TSTD2: variants seen among roughly 807,000 people sequenced by gnomAD.
The protein encoded by TSTD2 is thiosulfate sulfurtransferase like domain containing 2, also known as thiosulfate sulfurtransferase/rhodanese-like domain-containing protein 2.
A neutral mutation model predicts 47.9 loss-of-function variants in TSTD2; 37 were observed. The ratio of observed to expected loss-of-function variants is 0.77; its 90% CI spans 0.59 to 1.02. The LOEUF (loss-of-function observed/expected upper bound fraction) is 1.02. Ranked by LOEUF, TSTD2 falls within the 50% of genes least tolerant of loss-of-function variation. TSTD2 has a pLI of 0.00. For synonymous variants in TSTD2, 201 were observed against 215.9 expected (o/e 0.93, Z 0.61); for missense variants, 586 against 616.0 (o/e 0.95, Z 0.52).
chr9:97,621,713 G>C (rs1039720356), intron 3 of TSTD2, among the ~76,000 whole-genome samples: 1 of 152,168 alleles, frequency 6.6e-6, no homozygotes, highest in Non-Finnish European at 1.5e-5. Flanking sequence ...ATTCTAGTCA[G>C]ACTGGTTCTG....
At position 97,600,623 on chromosome 9, in the gene TSTD2, T is replaced by TA. The variant is rs1826235476; in HGVS notation, c.*1845dup. 3 of 987,824 alleles carry TA rather than the reference T, an allele frequency of 3.0e-6. No individual in the cohort carries two copies. The highest frequency in any genetic ancestry group is 3.6e-6 in the Non-Finnish European group (3 of 831,574). The allele number at this position is 987,824 out of a possible 1,614,324, so 61.2% of individuals were successfully genotyped here. ...TATGGTATTTAGTAATGGCCCAGCT[T>TA]AGAGACTTCAGCTACTGATCTCATC... is the stretch of plus-strand genomic sequence containing the variant. On this transcript the variant is annotated 3_prime_UTR_variant, in exon 10 of 10. Transcript: ENST00000341170.
chr9:97,604,903 G>A (rs905343109), intron 8 of TSTD2, 38 bp from the exon 9 acceptor site: 1 of 1,609,946 alleles, frequency 6.2e-7, no homozygotes, highest in African/African-American at 1.3e-5. Flanking sequence ...TGAAGAGCCA[G>A]CAGAGACCTG....
rs1312887566 is a variant in TSTD2 at position 97,602,298 on chromosome 9, GACA to G, written c.*168_*170del. The G allele has an allele frequency of 1.4e-6, 1 of 720,290 alleles. No homozygotes were observed. Among genetic ancestry groups the G allele is most frequent in the African/African-American group, 1.8e-5 (1 of 56,078 alleles). The allele number at this position is 720,290 out of a possible 1,614,324, so 44.6% of individuals were successfully genotyped here. Reference sequence around the variant, plus strand: ...ATCAGAATGTCTCAGGTAAGTGGTAGACAACGTGACTCCTCCCCTCCCGCTGTG... The same window carrying G: ...ATCAGAATGTCTCAGGTAAGTGGTAGACGTGACTCCTCCCCTCCCGCTGTG... On this transcript the variant is annotated 3_prime_UTR_variant, in exon 10 of 10. Coordinates refer to ENST00000341170, the MANE Select transcript of TSTD2 (RefSeq NM_139246.5).
Position 97,610,384 on chromosome 9 carries a change from A to G in TSTD2, c.797T>C (p.Met266Thr). 1 of 1,603,426 alleles carries G rather than the reference A, an allele frequency of 6.2e-7. No homozygotes were observed. The highest frequency in any genetic ancestry group is 1.7e-4 in the Middle Eastern group (1 of 6,028). The change falls in exon 6 of 10, where the codon ATG (methionine) becomes ACG (threonine). Residue 266 changes from methionine (M) to threonine (T), a missense_variant. Transcript: ENST00000341170. ...RVGVFEEIVP[M>T]GISPKKISYK... ...GGAGATCTTTTTGGGGCTGATCCCC[A>G]TGGGCACGATTTCTTCAAATACACC...
At chr9:97,632,160 CCTCA>C (rs910669974) in intron 1 of TSTD2, among the ~76,000 whole-genome samples, 2 of 152,176 alleles carry the variant, frequency 1.3e-5, no homozygotes, top group Admixed American at 1.3e-4. Flanking sequence ...CCAAAGAAGG[CCTCA>C]CTAAGGACCT....
At chr9:97,608,671 G>A (rs1826407862) in intron 6 of TSTD2, among the ~76,000 whole-genome samples, 1 of 152,130 alleles carries the variant, frequency 6.6e-6, no homozygotes, top group South Asian at 2.1e-4. Context: ...CTTCCTTCAA[G>A]TGAAAACAAG....
rs1265377899 is a variant in TSTD2, at chr9:97,601,528, TGAA to T, written c.*938_*940del. 4 of 989,112 alleles carry T rather than the reference TGAA, an allele frequency of 4.0e-6. No homozygotes were observed. The highest frequency in any genetic ancestry group is 4.8e-6 in the Non-Finnish European group (4 of 832,362). 61.3% of individuals were successfully genotyped at this position (989,112 alleles called of 1,614,324 possible). On this transcript the variant is annotated 3_prime_UTR_variant, in exon 10 of 10. Coordinates refer to ENST00000341170, the MANE Select transcript of TSTD2 (RefSeq NM_139246.5). ...GAAACGAAACCAAACCAACAGAAAA[TGAA>T]GAAGGCCACATCTTTAAGGCCACCT...
Position 97,605,605 on chromosome 9 carries a change from T to C in TSTD2, c.991A>G (p.Lys331Glu), listed in dbSNP as rs543368700. The stretch of plus-strand genomic sequence containing the variant: ...ACGTAGCTAGGGAAGTAACTGAATT[T>C]CCTGATGTCTGGGGCTAAGCAGCCT... ...FQGCLAPDIR[K>E]FSYFPSYVDK... The change falls in exon 8 of 10, where the codon AAA becomes GAA. Residue 331 changes from lysine to glutamate, a missense_variant. Transcript: ENST00000341170. The C allele has an allele frequency of 1.2e-6, 2 of 1,614,228 alleles. No homozygotes were observed. The highest frequency in any genetic ancestry group is 3.3e-5 in the Admixed American group (2 of 60,030).
chr9:97,602,910 GCAA>G (rs1416732018), intron 9 of TSTD2, 143 bp from the exon 10 acceptor site: 3 of 802,680 alleles, frequency 3.7e-6, no homozygotes, highest in Admixed American at 3.5e-5. Flanking sequence ...CTGTCTTCTA[GCAA>G]CAACAACTAA....
intron 9 of TSTD2, chr9:97,604,045 A>C (rs1005450675): frequency 6.6e-6 from 1 of 152,274 alleles, no homozygotes; most frequent in African/African-American, 2.4e-5. Context: ...GAAACCAACT[A>C]TACAGAAATA....
chr9:97,611,260 A>T (rs1826454104), intron 5 of TSTD2: 1 of 197,886 alleles, frequency 5.1e-6, no homozygotes, highest in Non-Finnish European at 1.1e-5. Flanking sequence ...ACATAGTGAG[A>T]CCCCGTCTCT....
Position 97,601,595 on chromosome 9 carries a change from C to A in TSTD2, c.*874G>T. 1.0e-6 allele frequency: 1 copy of A among 987,178 alleles called. No homozygotes were observed. The highest frequency in any genetic ancestry group is 1.2e-6 in the Non-Finnish European group (1 of 831,202). The allele number at this position is 987,178 out of a possible 1,614,324, so 61.2% of individuals were successfully genotyped here. ...ATGAGCTGCTGGTCTAGATCAGGGG[C>A]TGGCAAACTTTTCTGTAAAAGGCCA... On this transcript the variant is annotated 3_prime_UTR_variant, in exon 10 of 10. Coordinates refer to ENST00000341170, the MANE Select transcript of TSTD2 (RefSeq NM_139246.5).
In TSTD2 at chr9:97,600,479, T is replaced by C; in HGVS notation, c.*1990A>G. The C allele has an allele frequency of 1.0e-6, 1 of 985,706 alleles. No homozygotes were observed. Among genetic ancestry groups the C allele is most frequent in the Middle Eastern group, 5.2e-4 (1 of 1,914 alleles). The allele number at this position is 985,706 out of a possible 1,614,324, so 61.1% of individuals were successfully genotyped here. On this transcript the variant is annotated 3_prime_UTR_variant, in exon 10 of 10. Transcript: ENST00000341170. ...TTTTCCTTATTGAATGCCAACCTTA[T>C]GATGGATGTGAAAATCTACGGCCAA...
intron 6 of TSTD2, among the ~76,000 whole-genome samples, chr9:97,609,402 G>C (rs1180692362): frequency 6.6e-6 from 1 of 152,016 alleles, no homozygotes; most frequent in Non-Finnish European, 1.5e-5. Flanking sequence ...AACTCTAAAG[G>C]TCAAATGATC....
intron 1 of TSTD2, among the ~76,000 whole-genome samples, chr9:97,631,574 A>G (rs1220623847): frequency 6.6e-6 from 1 of 152,226 alleles, no homozygotes; most frequent in Non-Finnish European, 1.5e-5. Context: ...TATTAAAAAA[A>G]TAAGTCAGAC....
Position 97,600,672 on chromosome 9 carries a change from A to C in TSTD2, c.*1797T>G. The C allele has an allele frequency of 2.0e-6, 2 of 991,810 alleles. No homozygotes were observed. The highest frequency in any genetic ancestry group is 2.4e-6 in the Non-Finnish European group (2 of 833,882). 61.4% of individuals were successfully genotyped at this position (991,810 alleles called of 1,614,324 possible). ...TCACTTATTAGACAAATTGCTGCTG[A>C]CCTTACGCCTGTATATTAAGCCTCC... On this transcript the variant is annotated 3_prime_UTR_variant, in exon 10 of 10. Transcript: ENST00000341170.
In TSTD2 at chr9:97,605,484, T is replaced by C; in HGVS notation, c.1112A>G (p.Lys371Arg). The change falls in exon 8 of 10, where the codon AAG becomes AGG. Residue 371 changes from lysine to arginine, a missense_variant and splice_region_variant. Physicochemically the swap from Lys to Arg is conservative, Grantham distance 26. Coordinates refer to ENST00000341170, the MANE Select transcript of TSTD2 (RefSeq NM_139246.5). ...CAGTGCCCCGGGGTGGTGGCTCACC[T>C]TGGCTTTGAGGTAGGCTGAACCCCG... ...CERGSAYLKA[K>R]GVCKEVFQLK... 6.2e-7 allele frequency: 1 copy of C among 1,613,502 alleles called. No individual in the cohort carries two copies. Among genetic ancestry groups the C allele is most frequent in the South Asian group, 1.1e-5 (1 of 91,044 alleles).
Position 97,625,885 on chromosome 9 carries a change from T to C in TSTD2, c.278A>G (p.His93Arg), listed in dbSNP as rs775584995. The C allele has an allele frequency of 5.3e-5, 86 of 1,614,098 alleles. No homozygotes were observed. Among genetic ancestry groups the C allele is most frequent in the Non-Finnish European group, 6.9e-5 (82 of 1,180,016 alleles). Residue 93 changes from histidine to arginine, a missense_variant, in exon 3 of 10, where the codon CAT (histidine) becomes CGT (arginine). Coordinates refer to ENST00000341170, the MANE Select transcript of TSTD2 (RefSeq NM_139246.5). Reference sequence around the variant, plus strand: ...AGCATGTTGTGTTGCCACATGTCTATGGATGCTGGTTTGGTCTGTGAATAG... The same window carrying C: ...AGCATGTTGTGTTGCCACATGTCTACGGATGCTGGTTTGGTCTGTGAATAG... ...RQLFTDQTSIHRHVATQHADE... is the reference protein window; with the variant it reads ...RQLFTDQTSIRRHVATQHADE...
chr9:97,628,559 T>C (rs1826758619), intron 1 of TSTD2, among the ~76,000 whole-genome samples: 1 of 152,182 alleles, frequency 6.6e-6, no homozygotes, highest in Non-Finnish European at 1.5e-5. Flanking sequence ...AATATTTTAA[T>C]TGAATGCTGT....
Sources: gnomAD v4.1 joint callset for allele counts (sites outside exome capture counted in the v4.1 genomes callset) on GRCh38, gnomAD v4.1.1 for gene constraint, MANE v1.5 for transcripts, NCBI Gene and HGNC (gene_info 2026-07-23, HGNC 2026-07-21) for gene names.